Variants in ANKS6 observed in about 807,000 individuals in gnomAD.
The protein encoded by ANKS6 is ankyrin repeat and SAM domain-containing protein 6.
A neutral mutation model predicts 77.9 loss-of-function variants in ANKS6; 47 were observed. The observed-to-expected ratio is 0.60, with a 90% CI of 0.48 to 0.77. The LOEUF (loss-of-function observed/expected upper bound fraction) is 0.77, where lower values mean the gene tolerates loss of function less well. ANKS6 is among the 30% of genes least tolerant of loss of function. The pLI is 0.00. For synonymous variants in ANKS6, 488 were observed against 501.7 expected, an observed-to-expected ratio of 0.97 and a Z score of 0.37; for missense variants, 1,150 against 1,159.1, an observed-to-expected ratio of 0.99 and a Z score of 0.11.
intron 12 of ANKS6, among the ~76,000 whole-genome samples, chr9:98,755,330 C>T (rs946975335): frequency 3.9e-5 from 6 of 152,220 alleles, no homozygotes; most frequent in Admixed American, 3.9e-4. Context: ...TCGATTTGCA[C>T]CTGCCTGGAC....
intron 3 of ANKS6, 94 bp from the exon 4 acceptor site, chr9:98,784,251 G>T: frequency 8.3e-7 from 1 of 1,206,098 alleles, no homozygotes; most frequent in Non-Finnish European, 1.1e-6. Flanking sequence ...TGCTGGCCCT[G>T]CTCTGCCTCT....
chr9:98,732,999 G>A lies in ANKS6; in HGVS notation c.*3520C>T. The A allele has an allele frequency of 1.0e-6, 1 of 963,480 alleles. No individual in the cohort carries two copies. The highest frequency in any genetic ancestry group is 1.2e-6 in the Non-Finnish European group (1 of 801,824). 59.7% of individuals were successfully genotyped at this position (963,480 alleles called of 1,614,324 possible). On this transcript the variant is annotated 3_prime_UTR_variant, in exon 15 of 15. Transcript: ENST00000353234. ...TCTCTCTCCTCTGGGGCGTGCCCAG[G>A]CTGAGCCTGAGCCATCATCGATGAC... is the stretch of plus-strand genomic sequence containing the variant.
intron 9 of ANKS6, among the ~76,000 whole-genome samples, chr9:98,772,745 C>A (rs1418316197): frequency 6.6e-6 from 1 of 152,180 alleles, no homozygotes; most frequent in African/African-American, 2.4e-5. Context: ...CTGCTGCCTG[C>A]ACTCCACTGG....
rs1268884356 is a variant in ANKS6, at chr9:98,734,630, G to C, written c.*1889C>G. The C allele has an allele frequency of 4.1e-6, 4 of 965,228 alleles. No homozygotes were observed. The highest frequency in any genetic ancestry group is 3.7e-6 in the Non-Finnish European group (3 of 811,820). The allele number at this position is 965,228 out of a possible 1,614,324, so 59.8% of individuals were successfully genotyped here. On this transcript the variant is annotated 3_prime_UTR_variant, in exon 15 of 15. Transcript: ENST00000353234. ...CCCACCAGGTCCGGTTCTGACCCCA[G>C]ATCTGCTCCTTCTGGGCTGTTTAAC...
At chr9:98,737,637 T>C (rs1011075411) in intron 14 of ANKS6, among the ~76,000 whole-genome samples, 5 of 152,216 alleles carry the variant, frequency 3.3e-5, no homozygotes, top group African/African-American at 1.2e-4. Context: ...AGAATCAATA[T>C]TGTGAAAATG....
chr9:98,781,985 C>T (rs1834291148), intron 5 of ANKS6, among the ~76,000 whole-genome samples: 1 of 152,102 alleles, frequency 6.6e-6, no homozygotes, highest in South Asian at 2.1e-4. Context: ...AGGTACCAGC[C>T]GAGGCCAAAA....
At chr9:98,755,247 G>C (rs1216425136) in intron 12 of ANKS6, among the ~76,000 whole-genome samples, 1 of 152,176 alleles carries the variant, frequency 6.6e-6, no homozygotes, top group Non-Finnish European at 1.5e-5. Flanking sequence ...AGCAGCTGCA[G>C]CGAACTGCCC....
intron 14 of ANKS6, among the ~76,000 whole-genome samples, chr9:98,740,572 C>T (rs1287680872): frequency 6.6e-6 from 1 of 152,184 alleles, no homozygotes; most frequent in Non-Finnish European, 1.5e-5. Flanking sequence ...GGGTTGACAG[C>T]AATTTTATTA....
At chr9:98,753,071 C>T (rs1329578517) in intron 12 of ANKS6, among the ~76,000 whole-genome samples, 1 of 151,868 alleles carries the variant, frequency 6.6e-6, no homozygotes, top group African/African-American at 2.4e-5. Context: ...AAGGTGTATG[C>T]ATGTATATAG....
chr9:98,788,076 G>A (rs895152607), intron 2 of ANKS6, among the ~76,000 whole-genome samples: 5 of 152,170 alleles, frequency 3.3e-5, no homozygotes, highest in Non-Finnish European at 7.4e-5. Flanking sequence ...AGCCAGCATC[G>A]AACCAAGTGG....
chr9:98,775,400 C>T (rs1588390098), intron 8 of ANKS6, among the ~76,000 whole-genome samples: 2 of 152,152 alleles, frequency 1.3e-5, no homozygotes, highest in South Asian at 4.1e-4. Flanking sequence ...TAAAGAGACA[C>T]GTTCCTACAC....
rs1203719270 is a variant in ANKS6 at position 98,749,303 on chromosome 9, G to T, written c.2394+1726C>A. Among the ~76,000 whole-genome samples the T allele has an allele frequency of 2.0e-5, 3 of 152,280 alleles. No individual in the cohort carries two copies. In the South Asian group the frequency reaches 6.2e-4, roughly 32 times the overall value. On this transcript the variant is annotated intron_variant, in intron 13 of 14. Transcript: ENST00000353234. ...GCCAGTGGCTGCCAGCCCTCCCCAT[G>T]GCACTGCCTCAGGCCCCAGCTCCCT...
intron 1 of ANKS6, 77 bp downstream of exon 1, chr9:98,796,056 C>A: frequency 8.0e-7 from 1 of 1,248,454 alleles, no homozygotes; most frequent in South Asian, 2.9e-5. Context: ...CCCGGGGCAT[C>A]CGGCCGCCGG....
At chr9:98,754,063 T>G (rs1350732082) in intron 12 of ANKS6, among the ~76,000 whole-genome samples, 1 of 152,208 alleles carries the variant, frequency 6.6e-6, no homozygotes, top group African/African-American at 2.4e-5. Context: ...GGTGCTTTGC[T>G]GATAACAGGT....
At chr9:98,744,880 C>T (rs1441865086) in intron 14 of ANKS6, among the ~76,000 whole-genome samples, 3 of 152,048 alleles carry the variant, frequency 2.0e-5, no homozygotes, top group Non-Finnish European at 2.9e-5. Flanking sequence ...AAAAAGCCAC[C>T]CTTTATTAAG....
At chr9:98,781,192 C>T (rs150196391) in intron 5 of ANKS6, among the ~76,000 whole-genome samples, 55 of 152,292 alleles carry the variant, frequency 3.6e-4, no homozygotes, top group East Asian at 1.5e-3. Flanking sequence ...GAGCCATCCA[C>T]GCCAGGTTAT....
rs770809731 is a variant in ANKS6 at position 98,778,406 on chromosome 9, A to C, written c.1387T>G (p.Ser463Ala). 1.9e-6 allele frequency: 3 copies of C among 1,614,000 alleles called. No homozygotes were observed. Among genetic ancestry groups the C allele is most frequent in the Non-Finnish European group, 2.5e-6 (3 of 1,179,998 alleles). The stretch of plus-strand genomic sequence containing the variant: ...AGTTTGAGCTTTCGGAACCGATTGG[A>C]CATTCGGTTCCACCAGGACTGCCAA... ...GGLKSWWNRM[S>A]NRFRKLKLMQ... The change falls in exon 7 of 15, where the codon TCC becomes GCC. Residue 463 changes from serine (S) to alanine (A), a missense_variant. Coordinates refer to ENST00000353234, the MANE Select transcript of ANKS6 (RefSeq NM_173551.5).
In ANKS6 at chr9:98,780,679, A is replaced by G. The variant is rs2118104033; in HGVS notation, c.1220-342T>C. ...CTGTGTAACTGCAGGTAAATTACAAAGCCTCTTTGTGCGTCTGTACAAGTC... is the reference window on the plus strand; with the variant it reads ...CTGTGTAACTGCAGGTAAATTACAAGGCCTCTTTGTGCGTCTGTACAAGTC... On this transcript the variant is annotated intron_variant, in intron 5 of 14. Transcript: ENST00000353234. Among the ~76,000 whole-genome samples the G allele has an allele frequency of 2.0e-5, 3 of 152,344 alleles. No homozygotes were observed. The South Asian group carries it at 6.2e-4, about 32-fold the overall frequency.
Position 98,780,226 on chromosome 9 carries a change from C to T in ANKS6, c.1331G>A (p.Ser444Asn), listed in dbSNP as rs752286814. The change falls in exon 6 of 15, where the codon AGC becomes AAC. Residue 444 changes from serine to asparagine, a missense_variant. Transcript: ENST00000353234. ...CTTGTCATCGGGCAGCACTGGGATG[C>T]TCCAGGGCTGTCGGACCTTCGAGTG... ...LPHSKVRQPW[S>N]IPVLPDDKGG... 1.6e-5 allele frequency: 26 copies of T among 1,614,112 alleles called. No individual in the cohort carries two copies. The African/African-American group carries it at 2.8e-4, about 17-fold the overall frequency.
Sources: gnomAD v4.1 joint callset for allele counts (sites outside exome capture counted in the v4.1 genomes callset) on GRCh38, gnomAD v4.1.1 for gene constraint, MANE v1.5 for transcripts, NCBI Gene and HGNC (gene_info 2026-07-23, HGNC 2026-07-21) for gene names.